XKRX: variants seen among roughly 807,000 people sequenced by gnomAD.
XKRX encodes the protein XK related X-linked, also known as XK-related protein 2.
In XKRX, 11 loss-of-function variants were observed where a neutral mutation model predicts 22.4. The ratio of observed to expected loss-of-function variants is 0.49; its 90% CI spans 0.31 to 0.81. The LOEUF is 0.81. Ranked by LOEUF, XKRX falls within the 40% of genes least tolerant of loss-of-function variation. The probability of loss-of-function intolerance (pLI) is 0.05; values close to 1 mark genes in which losing one functional copy is unlikely to be tolerated. For synonymous variants in XKRX, 114 were observed against 132.2 expected, an observed-to-expected ratio of 0.86 and a Z score of 0.94; for missense variants, 320 against 336.5, an observed-to-expected ratio of 0.95 and a Z score of 0.38.
the XKRX span, among the ~76,000 whole-genome samples, chrX:100,901,085 T>G: frequency 9.0e-6 from 1 of 111,453 alleles, no homozygotes; most frequent in Non-Finnish European, 1.9e-5. Context: ...CCACCGCACC[T>G]GGCCCACAAT....
At chrX:100,923,189 T>G in intron 1 of XKRX, 128 bp from the exon 2 acceptor site, 2 of 823,173 alleles carry the variant, frequency 2.4e-6, no homozygotes, top group Non-Finnish European at 3.4e-6. Context: ...TCTTACTCCA[T>G]CACCCTGGCT....
the XKRX span, among the ~76,000 whole-genome samples, chrX:100,889,636 T>C: frequency 2.7e-5 from 3 of 110,797 alleles, no homozygotes; most frequent in African/African-American, 9.9e-5. Context: ...AGCCAAGGAA[T>C]GCCAAAGATA....
chrX:100,900,766 C>T, the XKRX span, among the ~76,000 whole-genome samples: 4 of 106,873 alleles, frequency 3.7e-5, no homozygotes, highest in Admixed American at 1.0e-4. Context: ...CCCCTATCCT[C>T]GAGACCCAGC....
At chrX:100,958,238 G>A in the XKRX span, among the ~76,000 whole-genome samples, 524 of 111,935 alleles carry the variant, frequency 4.7e-3, 4 homozygotes, top group African/African-American at 0.016. Context: ...AGTCAGAGTT[G>A]CTATAGACTA....
Position 100,914,947 on chromosome X carries a change from C to T in XKRX, c.741G>A (p.Arg247=), listed in dbSNP as rs757486107. The T allele has an allele frequency of 1.3e-5, 16 of 1,211,765 alleles. No homozygotes were observed. The highest frequency in any genetic ancestry group is 1.8e-5 in the Non-Finnish European group (16 of 895,572). Residue 247 remains arginine (R), a synonymous_variant, in exon 3 of 3, where the codon CGG becomes CGA. Coordinates refer to ENST00000372956, the MANE Select transcript of XKRX (RefSeq NM_212559.3). ...GGAGGCGGGAAGTGATCTCCAATGT[C>T]CGCCAGATGGTGATGCAGAGGACTT... ...PLEVLCITIW[R]TLEITSRLLI... is the part of the protein sequence containing the mutation.
chrX:100,901,220 T>C, the XKRX span, among the ~76,000 whole-genome samples: 1 of 111,448 alleles, frequency 9.0e-6, no homozygotes, highest in Non-Finnish European at 1.9e-5. Flanking sequence ...GTGTAAATAA[T>C]AAAGAAAGAA....
At chrX:100,923,085 A>C in intron 1 of XKRX, 24 bp from the exon 2 acceptor site, 12 of 1,208,362 alleles carry the variant, frequency 9.9e-6, no homozygotes, top group Non-Finnish European at 1.3e-5. Context: ...GCATCATGCA[A>C]ACTTAACTAA....
At chrX:100,931,384 T>A (rs73631328), upstream of XKRX, among the ~76,000 whole-genome samples, 3,346 of 110,756 alleles carry the variant, frequency 0.03, 121 homozygotes, top group African/African-American at 0.1. Flanking sequence ...CACTACTCCT[T>A]CCACAAGGCC....
At chrX:100,904,062 C>T in the XKRX span, among the ~76,000 whole-genome samples, 10 of 111,730 alleles carry the variant, frequency 9.0e-5, no homozygotes, top group South Asian at 3.7e-4. Context: ...AAGAGGTTGA[C>T]GCTACCAAAT....
At chrX:100,957,154 A>G in the XKRX span, 24 of 1,111,008 alleles carry the variant, frequency 2.2e-5, no homozygotes, top group Non-Finnish European at 6.2e-6. Flanking sequence ...TCACCTGTGG[A>G]GCAGCAGCTG....
At chrX:100,917,718 G>GAAAGAACGAAAGAAAGAA (rs2052180863) in intron 2 of XKRX, among the ~76,000 whole-genome samples, 2 of 85,764 alleles carry the variant, frequency 2.3e-5, no homozygotes, top group African/African-American at 7.4e-5. Flanking sequence ...AAGAAAGAAA[G>GAAAGAACGAAAGAAAGAA]AAAGAAATCC....
the XKRX span, among the ~76,000 whole-genome samples, chrX:100,906,040 A>T: frequency 8.9e-6 from 1 of 112,197 alleles, no homozygotes; most frequent in Non-Finnish European, 1.9e-5. Context: ...TATTAACATA[A>T]TTGATTGTTT....
rs144546408 is a variant in XKRX at position 100,928,058 on chromosome X, A to T, written c.247T>A (p.Leu83Met). ...FFMFSSIMVQLTLIFVHRDLA... is the reference protein window; with the variant it reads ...FFMFSSIMVQMTLIFVHRDLA... ...TCTCTGTGGACAAAAATGAGGGTCA[A>T]CTGGACCATAATGGATGAAAACATA... The change falls in exon 1 of 3, where the codon TTG becomes ATG. Residue 83 changes from leucine to methionine, a missense_variant. By Grantham distance (15) the Leu-to-Met change is conservative. Coordinates refer to ENST00000372956, the MANE Select transcript of XKRX (RefSeq NM_212559.3). 20 of 1,209,669 alleles carry T rather than the reference A, an allele frequency of 1.7e-5. No homozygotes were observed. In the African/African-American group the frequency reaches 3.1e-4, roughly 19 times the overall value.
At chrX:100,958,713 T>G in the XKRX span, among the ~76,000 whole-genome samples, 89 of 111,768 alleles carry the variant, frequency 8.0e-4, no homozygotes, top group African/African-American at 2.8e-3. Context: ...GAAGAAGAAA[T>G]TATATTCAGA....
the XKRX span, among the ~76,000 whole-genome samples, chrX:100,900,756 C>T: frequency 9.2e-6 from 1 of 108,415 alleles, no homozygotes; most frequent in Non-Finnish European, 1.9e-5. Flanking sequence ...GGACCTCTGG[C>T]CCCTATCCTC....
chrX:100,910,796 G>T (rs1368477494), downstream of XKRX: 14 of 778,954 alleles, frequency 1.8e-5, no homozygotes, highest in Non-Finnish European at 2.5e-5. Context: ...AAGAAGGAAA[G>T]TCGAGAGGCT....
At chrX:100,894,858 A>T in the XKRX span, among the ~76,000 whole-genome samples, 1 of 112,366 alleles carries the variant, frequency 8.9e-6, no homozygotes, top group Non-Finnish European at 1.9e-5. Flanking sequence ...TGGCAAAAAT[A>T]AAGTATAAGA....
At chrX:100,957,259 T>C in the XKRX span, 39 of 984,997 alleles carry the variant, frequency 4.0e-5, no homozygotes, top group South Asian at 6.3e-4. Flanking sequence ...AGATTTGACA[T>C]GGAAGTGAAA....
the XKRX span, among the ~76,000 whole-genome samples, chrX:100,902,764 T>C: frequency 9.1e-6 from 1 of 110,373 alleles, no homozygotes; most frequent in Non-Finnish European, 1.9e-5. Flanking sequence ...TCTATTTTTT[T>C]TTTTTAGATG....
Sources: gnomAD v4.1 joint callset for allele counts (sites outside exome capture counted in the v4.1 genomes callset) on GRCh38, gnomAD v4.1.1 for gene constraint, MANE v1.5 for transcripts, NCBI Gene and HGNC (gene_info 2026-07-23, HGNC 2026-07-21) for gene names.